The following DDR1 variants were observed in gnomAD, a reference collection of about 807,000 sequenced individuals.
The protein encoded by DDR1 is discoidin domain receptor tyrosine kinase 1.
A neutral mutation model predicts 97.4 loss-of-function variants in DDR1; 64 were observed. The observed-to-expected ratio is 0.66, with a 90% confidence interval of 0.54 to 0.81. DDR1 has a LOEUF of 0.81. DDR1 is among the 30% of genes least tolerant of loss of function. DDR1 has a pLI of 0.00. For synonymous variants in DDR1, 458 were observed against 503.7 expected (o/e 0.91, Z 1.21); for missense variants, 990 against 1,259.6 (o/e 0.79, Z 3.24).
chr6:30,885,307 G>T, intron 1 of DDR1: 1 of 1,511,176 alleles, frequency 6.6e-7, no homozygotes, highest in African/African-American at 1.4e-5. Flanking sequence ...GCTTCCAGCA[G>T]CCAGAGGCAG....
Position 30,899,476 on chromosome 6 carries a change from T to C in DDR1, c.*180T>C. 1.4e-6 allele frequency: 1 copy of C among 691,346 alleles called. No homozygotes were observed. 42.8% of individuals were successfully genotyped at this position (691,346 alleles called of 1,614,324 possible). On this transcript the variant is annotated 3_prime_UTR_variant, in exon 18 of 18. Transcript: ENST00000376568. ...AGGGAGCTGATGCCCCTTCTCCCCT[T>C]CCTGGACACACTCTCATGTCCCCTT...
intron 12 of DDR1, among the ~76,000 whole-genome samples, chr6:30,895,969 TCTC>T (rs979222537): frequency 1.3e-5 from 2 of 151,988 alleles, no homozygotes; most frequent in African/African-American, 4.8e-5. Flanking sequence ...CTGCCCCTCT[TCTC>T]CTCAGTGTTG....
intron 12 of DDR1, 81 bp from the exon 13 acceptor site, chr6:30,896,540 G>C (rs541239593): frequency 6.6e-7 from 1 of 1,515,132 alleles, no homozygotes; most frequent in East Asian, 2.3e-5. Context: ...AGGGCCCTCC[G>C]GGAGGCTGAG....
At chr6:30,898,049 A>G in intron 15 of DDR1, 24 bp from the exon 16 acceptor site, 1 of 1,585,148 alleles carries the variant, frequency 6.3e-7, no homozygotes, top group African/African-American at 1.3e-5. Flanking sequence ...GCCCCCAGTG[A>G]CCTTCTGTCG....
chr6:30,885,711 C>T (rs1785527353), intron 1 of DDR1: 1 of 1,302,624 alleles, frequency 7.7e-7, no homozygotes, highest in African/African-American at 1.5e-5. Context: ...GCATGAGCTT[C>T]TGTGTTTGCT....
In DDR1 at chr6:30,893,089, C is replaced by A. The variant is rs200571528; in HGVS notation, c.1121C>A (p.Pro374Gln). Residue 374 changes from proline to glutamine, a missense_variant, in exon 9 of 18, where the codon CCG becomes CAG. Transcript: ENST00000376568. ...FISDVVNNSS[P>Q]ALGGTFPPAP... The stretch of plus-strand genomic sequence containing the variant: ...CCAGATGTGGTGAACAATTCCTCTC[C>A]GGCACTGGGAGGCACCTTCCCGCCA... 6.2e-7 allele frequency: 1 copy of A among 1,612,480 alleles called. No individual in the cohort carries two copies. The highest frequency in any genetic ancestry group is 8.5e-7 in the Non-Finnish European group (1 of 1,179,886).
Position 30,897,855 on chromosome 6 carries a change from C to T in DDR1, c.2217-218C>T, listed in dbSNP as rs1444858911. Among the ~76,000 whole-genome samples, 1 of 152,210 alleles carries T rather than the reference C, an allele frequency of 6.6e-6. No individual in the cohort carries two copies. Among genetic ancestry groups the T allele is most frequent in the Non-Finnish European group, 1.5e-5 (1 of 68,020 alleles). The stretch of plus-strand genomic sequence containing the variant: ...TTCTGCTTTCTCTCACCCTCACTCC[C>T]CTCTGAGTCCAGATTGGGGAGCACA... On this transcript the variant is annotated intron_variant, in intron 15 of 17. Coordinates refer to ENST00000376568, the MANE Select transcript of DDR1 (RefSeq NM_001297654.2). This position sits in a 1 kb window ranked among gnomAD's most constrained non-coding sequence, Gnocchi z 5.2.
In DDR1 at chr6:30,892,393, C is replaced by G. The variant is rs1426803524; in HGVS notation, c.950C>G (p.Pro317Arg). 4 of 1,596,806 alleles carry G rather than the reference C, an allele frequency of 2.5e-6. No homozygotes were observed. Among genetic ancestry groups the G allele is most frequent in the Non-Finnish European group, 3.4e-6 (4 of 1,174,796 alleles). ...CCTGCCATGGCCTGGGAGGGGGAGC[C>G]CATGCGCCACAACCTAGGGGGCAAC... ...RGPAMAWEGE[P>R]MRHNLGGNLG... The change falls in exon 8 of 18, where the codon CCC (proline) becomes CGC (arginine). Residue 317 changes from proline (P) to arginine (R), a missense_variant. Coordinates refer to ENST00000376568, the MANE Select transcript of DDR1 (RefSeq NM_001297654.2).
At position 30,897,337 on chromosome 6, in the gene DDR1, C is replaced by A; in HGVS notation, c.1998-42C>A. ...TGGGGGCGCGGGGGAAGGTGCAGGCCGCCCACTCGGCATTCCTCTTCAGCT... is the reference window on the plus strand; with the variant it reads ...TGGGGGCGCGGGGGAAGGTGCAGGCAGCCCACTCGGCATTCCTCTTCAGCT... On this transcript the variant is annotated intron_variant, in intron 14 of 17. Transcript: ENST00000376568. The surrounding 1 kb of genome is among the most constrained non-coding windows in gnomAD (Gnocchi z 5.2). 6.3e-7 allele frequency: 1 copy of A among 1,599,466 alleles called. No individual in the cohort carries two copies. The highest frequency in any genetic ancestry group is 8.5e-7 in the Non-Finnish European group (1 of 1,172,142).
chr6:30,891,188 A>G lies in DDR1; in HGVS notation c.565+68A>G, dbSNP rs995051797. 2.6e-5 allele frequency: 41 copies of G among 1,592,970 alleles called. No homozygotes were observed. Among genetic ancestry groups the G allele is most frequent in the Non-Finnish European group, 3.5e-5 (41 of 1,169,234 alleles). ...GACTGGAGGGTGGGGAGTGTGGAGAATGGGCATCCAGGATCCCTTCTCCTG... is the reference window on the plus strand; with the variant it reads ...GACTGGAGGGTGGGGAGTGTGGAGAGTGGGCATCCAGGATCCCTTCTCCTG... On this transcript the variant is annotated intron_variant, in intron 5 of 17. Coordinates refer to ENST00000376568, the MANE Select transcript of DDR1 (RefSeq NM_001297654.2). The surrounding 1 kb of genome is among the most constrained non-coding windows in gnomAD (Gnocchi z 5.3).
At position 30,891,877 on chromosome 6, in the gene DDR1, A is replaced by G. The variant is rs1788523062; in HGVS notation, c.666-125A>G. The G allele has an allele frequency of 2.0e-6, 2 of 1,004,282 alleles. No homozygotes were observed. Among genetic ancestry groups the G allele is most frequent in the South Asian group, 1.4e-5 (1 of 69,490 alleles). 62.2% of individuals were successfully genotyped at this position (1,004,282 alleles called of 1,614,324 possible). ...TGCATGAGTGTGAGGTGGGATGGGA[A>G]TGGGACTAGTGGATGGGAGCCAGGC... On this transcript the variant is annotated intron_variant, in intron 6 of 17. Coordinates refer to ENST00000376568, the MANE Select transcript of DDR1 (RefSeq NM_001297654.2). The surrounding 1 kb of genome is among the most constrained non-coding windows in gnomAD (Gnocchi z 5.3).
intron 9 of DDR1, 32 bp downstream of exon 9, chr6:30,893,195 C>T: frequency 6.3e-7 from 1 of 1,598,768 alleles, no homozygotes; most frequent in South Asian, 1.1e-5. Flanking sequence ...TGTGGACCCT[C>T]TGCACCCTTC....
At chr6:30,895,803 G>A (rs900049612) in intron 12 of DDR1, among the ~76,000 whole-genome samples, 3 of 152,186 alleles carry the variant, frequency 2.0e-5, no homozygotes, top group African/African-American at 7.2e-5. Context: ...GGAGGTTGCT[G>A]TGGTGGCCCC....
intron 17 of DDR1, 39 bp downstream of exon 17, chr6:30,899,076 G>T: frequency 6.2e-7 from 1 of 1,614,124 alleles, no homozygotes; most frequent in South Asian, 1.1e-5. Flanking sequence ...CCGAGGCGGG[G>T]GACAGAAGGG....
chr6:30,894,891 TG>T lies in DDR1; in HGVS notation c.1513+221del, dbSNP rs1429281652. Reference sequence around the variant, plus strand: ...TAGTCCCCCGTGGTGCTATCTTGTCTGTGTCCCACAGACATCTCTCTATCTT... The same window carrying T: ...TAGTCCCCCGTGGTGCTATCTTGTCTTGTCCCACAGACATCTCTCTATCTT... On this transcript the variant is annotated intron_variant, in intron 11 of 17. Transcript: ENST00000376568. This position sits in a 1 kb window ranked among gnomAD's most constrained non-coding sequence, Gnocchi z 5.7. Among the ~76,000 whole-genome samples the T allele has an allele frequency of 6.6e-6, 1 of 152,188 alleles. No homozygotes were observed. Among genetic ancestry groups the T allele is most frequent in the Non-Finnish European group, 1.5e-5 (1 of 68,026 alleles).
rs939712790 is a variant in DDR1, at chr6:30,890,899, G to A, written c.418-74G>A. On this transcript the variant is annotated intron_variant, in intron 4 of 17. Coordinates refer to ENST00000376568, the MANE Select transcript of DDR1 (RefSeq NM_001297654.2). This position sits in a 1 kb window ranked among gnomAD's most constrained non-coding sequence, Gnocchi z 5.0. Reference sequence around the variant, plus strand: ...AAGTGGCCACTGTGGGCTGGGCCAGGGAGCAGCTGGTGGGTGGGAAGTAAG... The same window carrying A: ...AAGTGGCCACTGTGGGCTGGGCCAGAGAGCAGCTGGTGGGTGGGAAGTAAG... 6.7e-6 allele frequency: 10 copies of A among 1,493,882 alleles called. No homozygotes were observed. The highest frequency in any genetic ancestry group is 9.0e-6 in the Non-Finnish European group (10 of 1,117,120). 92.5% of individuals were successfully genotyped at this position (1,493,882 alleles called of 1,614,324 possible). A position where few individuals can be genotyped will look rare whatever the true frequency, so the allele number is the denominator to read the frequency against.
At position 30,895,457 on chromosome 6, in the gene DDR1, C is replaced by A. The variant is rs757720595; in HGVS notation, c.1567C>A (p.Pro523Thr). ...YRLLLATYARPPRGPGPPTPA... is the reference protein window; with the variant it reads ...YRLLLATYARTPRGPGPPTPA... Reference sequence around the variant, plus strand: ...CCTCCTTCTGGCCACTTACGCCCGTCCCCCTCGAGGCCCGGGCCCCCCCAC... The same window carrying A: ...CCTCCTTCTGGCCACTTACGCCCGTACCCCTCGAGGCCCGGGCCCCCCCAC... Residue 523 changes from proline to threonine, a missense_variant, in exon 12 of 18, where the codon CCC becomes ACC. Coordinates refer to ENST00000376568, the MANE Select transcript of DDR1 (RefSeq NM_001297654.2). 2 of 1,608,958 alleles carry A rather than the reference C, an allele frequency of 1.2e-6. No individual in the cohort carries two copies. Among genetic ancestry groups the A allele is most frequent in the Non-Finnish European group, 8.5e-7 (1 of 1,179,184 alleles).
chr6:30,882,378 G>A (rs1784444101), upstream of DDR1, among the ~76,000 whole-genome samples: 1 of 152,222 alleles, frequency 6.6e-6, no homozygotes, highest in Non-Finnish European at 1.5e-5. This position sits in a 1 kb window ranked among gnomAD's most constrained non-coding sequence, Gnocchi z 4.8. Context: ...GACACAGGGG[G>A]CCTCTGGGGT....
At chr6:30,885,534 G>A (rs1785465946) in intron 1 of DDR1, 9 of 1,347,026 alleles carry the variant, frequency 6.7e-6, no homozygotes, top group Non-Finnish European at 8.8e-6. Context: ...CCAGTTCTCT[G>A]GGGATCCTGT....
Sources: gnomAD v4.1 joint callset for allele counts (sites outside exome capture counted in the v4.1 genomes callset) on GRCh38, gnomAD v4.1.1 for gene constraint, Gnocchi (gnomAD v3.1) non-coding constraint, MANE v1.5 for transcripts, NCBI Gene and HGNC (gene_info 2026-07-23, HGNC 2026-07-21) for gene names.